ASL: variants seen among roughly 807,000 people sequenced by gnomAD.
ASL encodes argininosuccinate lyase, also known as argininosuccinase.
In ASL, 51 loss-of-function variants were observed where a neutral mutation model predicts 69.1. The observed-to-expected ratio is 0.74, with a 90% CI of 0.59 to 0.93. ASL has a LOEUF of 0.93. Among genes scored for constraint, ASL ranks in the 40% least tolerant of loss-of-function variants. The pLI, the probability that ASL is intolerant of heterozygous loss-of-function variation, is 0.00. For missense variants in ASL, 540 were observed against 623.9 expected (o/e 0.87, Z 1.43); for synonymous variants, 241 against 247.6 (o/e 0.97, Z 0.25).
At position 66,087,358 on chromosome 7, in the gene ASL, G is replaced by A. The variant is rs776422049; in HGVS notation, c.627G>A (p.Leu209=). The change falls in exon 9 of 17, where the codon CTG becomes CTA. Residue 209 remains leucine, a synonymous_variant. Coordinates refer to ENST00000304874, the MANE Select transcript of ASL (RefSeq NM_000048.4). The stretch of plus-strand genomic sequence containing the variant: ...GTGGGGCCATTGCAGGCAATCCCCT[G>A]GGTGTGGACCGAGAGCTGCTCCGAG... ...LGSGAIAGNP[L]GVDRELLRAE... 3.7e-6 allele frequency: 6 copies of A among 1,606,430 alleles called. No individual in the cohort carries two copies. In the South Asian group the frequency reaches 5.5e-5, roughly 15 times the overall value.
chr7:66,089,464 C>G, intron 13 of ASL, 129 bp downstream of exon 13: 1 of 1,440,784 alleles, frequency 6.9e-7, no homozygotes, highest in Non-Finnish European at 9.5e-7. Flanking sequence ...CCGTGGCTGC[C>G]CTTGAACTCT....
chr7:66,087,613 C>A, intron 9 of ASL, 116 bp from the exon 10 acceptor site: 1 of 1,095,012 alleles, frequency 9.1e-7, no homozygotes, highest in South Asian at 1.3e-5. Context: ...GCAAAAGATC[C>A]CTCCCCCCAG....
intron 3 of ASL, 82 bp from the exon 4 acceptor site, chr7:66,082,286 G>T: frequency 7.1e-7 from 1 of 1,399,700 alleles, no homozygotes; most frequent in Non-Finnish European, 9.9e-7. Context: ...AGTCACCAGG[G>T]ATAGGGTGGG....
At chr7:66,083,916 C>T (rs1046791976) in intron 6 of ASL, among the ~76,000 whole-genome samples, 1 of 152,170 alleles carries the variant, frequency 6.6e-6, no homozygotes, top group African/African-American at 2.4e-5. Flanking sequence ...GCTTCTGGGA[C>T]CTGGTGTCTT....
In ASL at chr7:66,084,167, T is replaced by G. The variant is rs540204170; in HGVS notation, c.446+993T>G. Among the ~76,000 whole-genome samples, 385 of 151,470 alleles carry G rather than the reference T, an allele frequency of 2.5e-3. 2 individuals carry two copies. The highest frequency in any genetic ancestry group is 7.6e-3 in the African/African-American group (315 of 41,420). On this transcript the variant is annotated intron_variant, in intron 6 of 16. Coordinates refer to ENST00000304874, the MANE Select transcript of ASL (RefSeq NM_000048.4). ...TTTGTTGTTGTTGTTTGTTGTTGTT[T>G]TTTTTTTTTTGAGACAGGGTTTTGC... is the stretch of plus-strand genomic sequence containing the variant.
chr7:66,088,980 C>A, intron 11 of ASL, 59 bp downstream of exon 11: 1 of 1,606,728 alleles, frequency 6.2e-7, no homozygotes, highest in East Asian at 2.2e-5. Flanking sequence ...CCCCGCCGCC[C>A]GCGGACGTGG....
chr7:66,089,832 C>T, intron 14 of ASL, 137 bp downstream of exon 14: 2 of 921,734 alleles, frequency 2.2e-6, no homozygotes, highest in Non-Finnish European at 3.4e-6. Flanking sequence ...CTCGCTCCTG[C>T]TCCTGGGGAA....
intron 4 of ASL, 105 bp from the exon 5 acceptor site, chr7:66,082,775 T>C: frequency 7.2e-7 from 1 of 1,380,250 alleles, no homozygotes; most frequent in Non-Finnish European, 1.0e-6. Context: ...CCCGGAGCCC[T>C]GGGGTATGGA....
Position 66,085,744 on chromosome 7 carries a change from A to T in ASL, c.447-841A>T, listed in dbSNP as rs544219641. 2.0e-3 allele frequency among the ~76,000 whole-genome samples: 308 copies of T among 152,030 alleles called. 2 individuals are homozygous for T. Among genetic ancestry groups the T allele is most frequent in the African/African-American group, 7.3e-3 (301 of 41,494 alleles). On this transcript the variant is annotated intron_variant, in intron 6 of 16. Coordinates refer to ENST00000304874, the MANE Select transcript of ASL (RefSeq NM_000048.4). ...TGCCTCAGCCCTCCTGAGTAGCTGG[A>T]ACTACAGGCGCCCACCACTACGCCC...
Position 66,081,867 on chromosome 7 carries a change from C to T in ASL, c.77C>T (p.Ala26Val), listed in dbSNP as rs761046404. The T allele has an allele frequency of 1.2e-5, 20 of 1,613,918 alleles. No individual in the cohort carries two copies. Among genetic ancestry groups the T allele is most frequent in the Middle Eastern group, 3.3e-4 (2 of 6,084 alleles). The change falls in exon 3 of 17, where the codon GCG becomes GTG. Residue 26 changes from alanine to valine, a missense_variant. By Grantham distance (64) the Ala-to-Val change is moderately conservative (BLOSUM62 0). Coordinates refer to ENST00000304874, the MANE Select transcript of ASL (RefSeq NM_000048.4). ...GACCCCATCATGGAGAAGTTCAACG[C>T]GTCCATTGCCTACGACCGGCACCTT... ...AVDPIMEKFN[A>V]SIAYDRHLWE...
intron 2 of ASL, among the ~76,000 whole-genome samples, chr7:66,077,220 G>A (rs73134651): frequency 2.4e-4 from 36 of 152,270 alleles, no homozygotes; most frequent in Non-Finnish European, 4.7e-4. Context: ...CTGAAGCCCA[G>A]GAATTCCAGA....
chr7:66,085,826 T>C (rs1453161394), intron 6 of ASL, among the ~76,000 whole-genome samples: 1 of 152,114 alleles, frequency 6.6e-6, no homozygotes, highest in Non-Finnish European at 1.5e-5. Flanking sequence ...GCCAGGATGG[T>C]CTCGATCTCC....
intron 2 of ASL, among the ~76,000 whole-genome samples, chr7:66,080,788 A>G (rs1786482953): frequency 6.6e-6 from 1 of 152,190 alleles, no homozygotes; most frequent in Non-Finnish European, 1.5e-5. Context: ...CTGGGGAGTA[A>G]GGGATCACCC....
intron 6 of ASL, among the ~76,000 whole-genome samples, chr7:66,085,196 G>T (rs1786623310): frequency 6.6e-6 from 1 of 152,186 alleles, no homozygotes. Flanking sequence ...AAAACAACAG[G>T]CCAGGTGCTG....
chr7:66,077,881 G>A lies in ASL; in HGVS notation c.12+1788G>A, dbSNP rs906773972. ...TTCTGGCCCAGATGTGTCCTGGCTT[G>A]GAGTAGCACCTTCTGCTACCACACT... is the stretch of plus-strand genomic sequence containing the variant. On this transcript the variant is annotated intron_variant, in intron 2 of 16. Coordinates refer to ENST00000304874, the MANE Select transcript of ASL (RefSeq NM_000048.4). Among the ~76,000 whole-genome samples, 3 of 152,288 alleles carry A rather than the reference G, an allele frequency of 2.0e-5. No individual in the cohort carries two copies. The South Asian group carries it at 6.2e-4, about 32-fold the overall frequency.
At chr7:66,086,539 C>G in intron 6 of ASL, 46 bp from the exon 7 acceptor site, 1 of 1,602,530 alleles carries the variant, frequency 6.2e-7, no homozygotes, top group Non-Finnish European at 8.5e-7. Context: ...CACAGGCAGG[C>G]CTTGCATGAG....
intron 1 of ASL, 23 bp from the exon 2 acceptor site, chr7:66,076,016 G>T (rs1399841433): frequency 2.6e-6 from 4 of 1,562,170 alleles, no homozygotes; most frequent in Middle Eastern, 3.4e-4. Flanking sequence ...CAAGGAGGTC[G>T]TCAGTCCGGT....
chr7:66,077,744 A>C (rs1323202971), intron 2 of ASL, among the ~76,000 whole-genome samples: 5 of 152,140 alleles, frequency 3.3e-5, no homozygotes, highest in African/African-American at 4.8e-5. Context: ...AAGAAAAAAA[A>C]CCCACAAGTC....
intron 6 of ASL, 78 bp downstream of exon 6, chr7:66,083,252 G>A (rs1786564482): frequency 6.7e-7 from 1 of 1,492,780 alleles, no homozygotes; most frequent in Non-Finnish European, 9.2e-7. Flanking sequence ...GGGCAGGGGT[G>A]AACAGCGTGG....
Sources: allele counts gnomAD v4.1 joint callset (sites outside exome capture counted in the v4.1 genomes callset), GRCh38; gene constraint gnomAD v4.1.1; transcripts MANE v1.5; gene names NCBI Gene and HGNC (gene_info 2026-07-23, HGNC 2026-07-21).